The following GLYR1 variants were observed in gnomAD, a reference collection of about 807,000 sequenced individuals.
GLYR1 encodes glyoxylate reductase 1 homolog, also known as cytokine-like nuclear factor N-PAC.
Under a neutral mutation model 72.7 loss-of-function variants are expected in GLYR1, and 21 were observed. That is an observed-to-expected ratio of 0.29 (90% CI 0.20 to 0.42). GLYR1 has a LOEUF of 0.42. GLYR1 is among the 10% of genes least tolerant of loss of function. The pLI, the probability that GLYR1 is intolerant of heterozygous loss-of-function variation, is 1.00. For missense variants in GLYR1, 594 were observed against 712.1 expected (o/e 0.83, Z 1.89); for synonymous variants, 392 against 270.2 (o/e 1.45, Z -4.42).
intron 11 of GLYR1, chr16:4,814,045 G>A: frequency 2.4e-6 from 1 of 425,182 alleles, no homozygotes; most frequent in Non-Finnish European, 4.1e-6. Flanking sequence ...CTATGTGAGT[G>A]TGTGCATTTC....
At position 4,845,170 on chromosome 16, in the gene GLYR1, G is replaced by A. The variant is rs1248515560; in HGVS notation, c.76-17C>T. The A allele has an allele frequency of 6.2e-7, 1 of 1,605,582 alleles. No individual in the cohort carries two copies. Among genetic ancestry groups the A allele is most frequent in the East Asian group, 2.2e-5 (1 of 44,846 alleles). ...ATTAACAATCTGGAGGATAAAAGGG[G>A]GGAAAAAGGTTGGCTGGCAACACAG... On this transcript the variant is annotated splice_polypyrimidine_tract_variant and intron_variant, in intron 2 of 15. Transcript: ENST00000321919.
rs1351519567 is a variant in GLYR1 at position 4,804,669 on chromosome 16, C to G, written c.*567G>C. 1 of 158,140 alleles carries G rather than the reference C, an allele frequency of 6.3e-6. No homozygotes were observed. Among genetic ancestry groups the G allele is most frequent in the Non-Finnish European group, 1.4e-5 (1 of 71,198 alleles). The allele number at this position is 158,140 out of a possible 1,614,324, so 9.8% of individuals were successfully genotyped here. On this transcript the variant is annotated 3_prime_UTR_variant, in exon 16 of 16. Transcript: ENST00000321919. ...GACGTGAACATCTTTCTCAGCTCAT[C>G]ACCTGAGGTTGGAGGGCCCCAAGGG...
intron 3 of GLYR1, among the ~76,000 whole-genome samples, chr16:4,843,197 C>T (rs2085690847): frequency 6.6e-6 from 1 of 152,204 alleles, no homozygotes; most frequent in Non-Finnish European, 1.5e-5. Flanking sequence ...GACATAGTCT[C>T]AGTCTGTCAC....
chr16:4,841,457 C>CAAA (rs1160441336), intron 3 of GLYR1, among the ~76,000 whole-genome samples: 2,342 of 31,906 alleles, frequency 0.073, 415 homozygotes, highest in Admixed American at 0.12. Flanking sequence ...CTTGTCTCTA[C>CAAA]AAAAAAAAAA....
At chr16:4,820,037 G>C (rs778298462) in intron 9 of GLYR1, among the ~76,000 whole-genome samples, 1 of 151,974 alleles carries the variant, frequency 6.6e-6, no homozygotes, top group Non-Finnish European at 1.5e-5. Context: ...TCGTTCTGTT[G>C]CCCAGGCTGG....
In GLYR1 at chr16:4,821,234, G is replaced by A. The variant is rs147672392; in HGVS notation, c.806+146C>T. On this transcript the variant is annotated intron_variant, in intron 9 of 15. Coordinates refer to ENST00000321919, the MANE Select transcript of GLYR1 (RefSeq NM_032569.4). ...ACAGCTTTTGACTCCTGTCTTTATC[G>A]ATAAGAGTTACAACATCCCCCCACC... 1.0e-3 allele frequency: 790 copies of A among 773,494 alleles called. 4 individuals are homozygous for A. In the African/African-American group the frequency reaches 0.01, roughly 10 times the overall value. The allele number at this position is 773,494 out of a possible 1,614,324, so 47.9% of individuals were successfully genotyped here.
chr16:4,837,778 A>G (rs1374977163), intron 3 of GLYR1, among the ~76,000 whole-genome samples: 1 of 151,890 alleles, frequency 6.6e-6, no homozygotes, highest in Non-Finnish European at 1.5e-5. Flanking sequence ...CTAAAAATAC[A>G]AAATTAGCTA....
chr16:4,819,223 G>C (rs1187369681), intron 9 of GLYR1, among the ~76,000 whole-genome samples: 1 of 151,958 alleles, frequency 6.6e-6, no homozygotes, highest in East Asian at 1.9e-4. Context: ...ATGTTGGCTA[G>C]GCTGGTCTCG....
At chr16:4,807,097 C>T (rs1318198146) in intron 15 of GLYR1, among the ~76,000 whole-genome samples, 4 of 142,744 alleles carry the variant, frequency 2.8e-5, no homozygotes, top group African/African-American at 5.2e-5. Context: ...TGAGCCACTG[C>T]GCCTGGCCCC....
chr16:4,842,042 C>T (rs2085592774), intron 3 of GLYR1, among the ~76,000 whole-genome samples: 1 of 152,050 alleles, frequency 6.6e-6, no homozygotes, highest in East Asian at 1.9e-4. Flanking sequence ...GAGATCAAGA[C>T]CATCTTGGCT....
At chr16:4,841,135 C>A (rs4786553) in intron 3 of GLYR1, among the ~76,000 whole-genome samples, 151,363 of 152,294 alleles carry the variant, frequency 0.99, 75,230 homozygotes, top group East Asian at 1. Flanking sequence ...AAAGAACCTT[C>A]GTCAGTTAGA....
At chr16:4,831,869 C>A in intron 5 of GLYR1, 110 bp downstream of exon 5, 1 of 1,440,904 alleles carries the variant, frequency 6.9e-7, no homozygotes, top group Non-Finnish European at 9.3e-7. Context: ...TGCTCCCACT[C>A]CATGAGCAGA....
chr16:4,811,209 C>G lies in GLYR1; in HGVS notation c.1548G>C (p.Ala516=), dbSNP rs748618550. 6.2e-7 allele frequency: 1 copy of G among 1,614,096 alleles called. No individual in the cohort carries two copies. The highest frequency in any genetic ancestry group is 1.3e-5 in the African/African-American group (1 of 75,034). Residue 516 remains alanine (A), a synonymous_variant, in exon 15 of 16, where the codon GCG becomes GCC. Transcript: ENST00000321919. The part of the protein sequence containing the change: ...DLRLAIALGD[A]VNHPTPMAAA... ...CTGCCATGGGAGTCGGATGGTTGAC[C>G]GCATCACCCAGCGCAATGGCTAAGC...
At chr16:4,806,840 C>T (rs1267582949) in intron 15 of GLYR1, among the ~76,000 whole-genome samples, 7 of 147,200 alleles carry the variant, frequency 4.8e-5, no homozygotes, top group African/African-American at 1.0e-4. Flanking sequence ...CTTGCTCTGT[C>T]GCCCAGACTG....
At chr16:4,817,778 C>T in intron 9 of GLYR1, 81 bp from the exon 10 acceptor site, 1 of 863,158 alleles carries the variant, frequency 1.2e-6, no homozygotes, top group Non-Finnish European at 2.0e-6. Flanking sequence ...ACAAGGCTCG[C>T]TCCCTTATAC....
intron 5 of GLYR1, among the ~76,000 whole-genome samples, chr16:4,824,652 C>T (rs2141995387): frequency 6.6e-6 from 1 of 152,228 alleles, no homozygotes; most frequent in Non-Finnish European, 1.5e-5. Context: ...TCCAGGGTGG[C>T]CAGAGCCCAA....
At chr16:4,825,283 CA>C (rs999354469) in intron 5 of GLYR1, among the ~76,000 whole-genome samples, 1 of 152,184 alleles carries the variant, frequency 6.6e-6, no homozygotes, top group African/African-American at 2.4e-5. Flanking sequence ...CGCCAATCTC[CA>C]ACCTCAAGTC....
chr16:4,824,799 C>A (rs1490254457), intron 5 of GLYR1, among the ~76,000 whole-genome samples: 1 of 152,174 alleles, frequency 6.6e-6, no homozygotes, highest in Non-Finnish European at 1.5e-5. Flanking sequence ...TCCCTCTCGA[C>A]TGCTCTGATG....
At chr16:4,844,317 G>C (rs990286017) in intron 3 of GLYR1, among the ~76,000 whole-genome samples, 1 of 152,234 alleles carries the variant, frequency 6.6e-6, no homozygotes. Context: ...CTGGTAAAAA[G>C]ACTTACTATA....
Sources: allele counts gnomAD v4.1 joint callset (sites outside exome capture counted in the v4.1 genomes callset), GRCh38; gene constraint gnomAD v4.1.1; transcripts MANE v1.5; gene names NCBI Gene and HGNC (gene_info 2026-07-23, HGNC 2026-07-21).